EDIL3: variants seen among roughly 807,000 people sequenced by gnomAD.
EDIL3 encodes the protein EGF like and discoidin domains 3.
EDIL3 carries 37 observed loss-of-function variants against 67.4 expected under a neutral mutation model. That is an observed-to-expected ratio of 0.55 (90% CI 0.42 to 0.72). EDIL3 has a LOEUF of 0.72. EDIL3 is among the 30% of genes least tolerant of loss of function. The probability of loss-of-function intolerance (pLI) is 0.00; values close to 1 mark genes in which losing one functional copy is unlikely to be tolerated. For missense variants in EDIL3, 527 were observed against 586.3 expected (o/e 0.90, Z 1.04); for synonymous variants, 195 against 196.3 (o/e 0.99, Z 0.05).
intron 10 of EDIL3, among the ~76,000 whole-genome samples, chr5:83,959,251 G>A (rs1273093615): frequency 4.1e-5 from 6 of 146,542 alleles, no homozygotes; most frequent in Non-Finnish European, 7.5e-5. Context: ...ATATATATAC[G>A]GCATTGCTTT....
intron 1 of EDIL3, among the ~76,000 whole-genome samples, chr5:84,381,719 T>C (rs1367215764): frequency 1.3e-5 from 2 of 152,228 alleles, no homozygotes; most frequent in Admixed American, 6.5e-5. Context: ...CAGGGACAGA[T>C]TGCATAAGAT....
intron 1 of EDIL3, among the ~76,000 whole-genome samples, chr5:84,294,131 C>T (rs192176703): frequency 1.3e-5 from 2 of 150,828 alleles, no homozygotes; most frequent in Non-Finnish European, 1.5e-5. Flanking sequence ...CGCCTGTAAT[C>T]CCAGCACTTC....
intron 1 of EDIL3, among the ~76,000 whole-genome samples, chr5:84,255,462 T>G (rs372686121): frequency 6.6e-6 from 1 of 152,158 alleles, no homozygotes; most frequent in African/African-American, 2.4e-5. Flanking sequence ...GTGGCTTTAT[T>G]GCACACAGGA....
chr5:84,119,967 G>A (rs1461558848), intron 5 of EDIL3, among the ~76,000 whole-genome samples: 3 of 151,602 alleles, frequency 2.0e-5, no homozygotes, highest in Non-Finnish European at 2.9e-5. Flanking sequence ...GATTTCTAAG[G>A]ACATAAAGGG....
At chr5:84,240,960 T>G (rs567619710) in intron 2 of EDIL3, among the ~76,000 whole-genome samples, 1 of 152,342 alleles carries the variant, frequency 6.6e-6, no homozygotes, top group East Asian at 1.9e-4. Context: ...ATTCTATATT[T>G]GCTTAAAATG....
chr5:83,971,614 T>A (rs1744795391), intron 9 of EDIL3, among the ~76,000 whole-genome samples: 1 of 152,096 alleles, frequency 6.6e-6, no homozygotes. Flanking sequence ...TTCATACATT[T>A]AGAAAAATCC....
intron 5 of EDIL3, among the ~76,000 whole-genome samples, chr5:84,116,864 C>T (rs1747674098): frequency 6.6e-6 from 1 of 152,054 alleles, no homozygotes; most frequent in African/African-American, 2.4e-5. Context: ...TACATTATCT[C>T]TTATTCAGTA....
chr5:84,122,636 A>G (rs996756394), intron 5 of EDIL3, among the ~76,000 whole-genome samples: 22 of 151,858 alleles, frequency 1.4e-4, no homozygotes, highest in Non-Finnish European at 1.8e-4. Context: ...CATGATAAAC[A>G]TTGTAATGAC....
intron 9 of EDIL3, among the ~76,000 whole-genome samples, chr5:83,998,147 T>C (rs568066531): frequency 2.6e-4 from 39 of 152,252 alleles, no homozygotes; most frequent in South Asian, 6.2e-4. Context: ...AGTGAGACAC[T>C]AGCTAGGGCA....
At chr5:84,363,631 G>A (rs535909088) in intron 1 of EDIL3, among the ~76,000 whole-genome samples, 2 of 152,102 alleles carry the variant, frequency 1.3e-5, no homozygotes, top group East Asian at 3.9e-4. Flanking sequence ...TCTCATTTTT[G>A]TGCACAGGCA....
chr5:84,071,896 A>G (rs753186075), intron 6 of EDIL3, among the ~76,000 whole-genome samples: 1 of 152,172 alleles, frequency 6.6e-6, no homozygotes, highest in African/African-American at 2.4e-5. Flanking sequence ...ATAGAAAACC[A>G]ATAGACTCCA....
intron 9 of EDIL3, among the ~76,000 whole-genome samples, chr5:84,000,564 A>T (rs1281322161): frequency 6.6e-6 from 1 of 152,046 alleles, no homozygotes; most frequent in East Asian, 1.9e-4. Flanking sequence ...CAAAACACCT[A>T]CAAAAAAAAA....
intron 7 of EDIL3, 117 bp downstream of exon 7, chr5:84,066,334 C>T (rs1057109071): frequency 1.1e-5 from 12 of 1,142,012 alleles, no homozygotes; most frequent in Admixed American, 7.1e-5. Flanking sequence ...AAAAACAAGA[C>T]GCATTGGTAA....
At chr5:84,072,935 T>A (rs1468306561) in intron 6 of EDIL3, among the ~76,000 whole-genome samples, 3 of 152,032 alleles carry the variant, frequency 2.0e-5, no homozygotes, top group Admixed American at 6.6e-5. Context: ...TATTGCATAC[T>A]CCCCAAAATT....
At chr5:84,374,381 T>C (rs1252091314) in intron 1 of EDIL3, among the ~76,000 whole-genome samples, 2 of 152,194 alleles carry the variant, frequency 1.3e-5, no homozygotes, top group Non-Finnish European at 2.9e-5. Flanking sequence ...TTAAATTAGA[T>C]TAAGAATATG....
chr5:84,300,204 C>T (rs1175343766), intron 1 of EDIL3, among the ~76,000 whole-genome samples: 1 of 152,152 alleles, frequency 6.6e-6, no homozygotes, highest in Non-Finnish European at 1.5e-5. Context: ...GCCTGCATTT[C>T]TTAGCTTTTG....
chr5:84,072,536 G>T (rs1330498039), intron 6 of EDIL3, among the ~76,000 whole-genome samples: 1 of 152,100 alleles, frequency 6.6e-6, no homozygotes, highest in Admixed American at 6.6e-5. Flanking sequence ...ATAGTGTAAT[G>T]ACATCATATT....
At chr5:84,112,140 T>TG (rs1483888692) in intron 5 of EDIL3, among the ~76,000 whole-genome samples, 1 of 152,132 alleles carries the variant, frequency 6.6e-6, no homozygotes, top group Non-Finnish European at 1.5e-5. Context: ...TGATAGAATT[T>TG]GGTTCTGTTA....
At chr5:84,213,593 T>A (rs56900764) in intron 3 of EDIL3, among the ~76,000 whole-genome samples, 3,028 of 152,260 alleles carry the variant, frequency 0.02, 116 homozygotes, top group African/African-American at 0.069. Context: ...ACATTTTAAA[T>A]ATTGGATTAA....
Sources: allele counts gnomAD v4.1 joint callset (sites outside exome capture counted in the v4.1 genomes callset), GRCh38; gene constraint gnomAD v4.1.1; transcripts MANE v1.5; gene names NCBI Gene and HGNC (gene_info 2026-07-23, HGNC 2026-07-21).